Variants in CFAP251 observed in about 807,000 individuals in gnomAD.
CFAP251 encodes the protein cilia and flagella associated protein 251.
Under a neutral mutation model 126.7 loss-of-function variants are expected in CFAP251, and 93 were observed. That is an observed-to-expected ratio of 0.73 (90% CI 0.62 to 0.87). The LOEUF (loss-of-function observed/expected upper bound fraction) is 0.87, where lower values mean the gene tolerates loss of function less well. Among genes scored for constraint, CFAP251 ranks in the 40% least tolerant of loss-of-function variants. CFAP251 has a pLI of 0.00. For missense variants in CFAP251, 1,287 were observed against 1,389.2 expected (o/e 0.93, Z 1.17); for synonymous variants, 503 against 506.9 (o/e 0.99, Z 0.10).
At chr12:121,990,714 T>TA (rs1371358879) in intron 19 of CFAP251, among the ~76,000 whole-genome samples, 2 of 152,110 alleles carry the variant, frequency 1.3e-5, no homozygotes, top group African/African-American at 2.4e-5. Context: ...TGAGGGCACT[T>TA]AAAAAAATAC....
intron 5 of CFAP251, among the ~76,000 whole-genome samples, chr12:121,935,916 G>A (rs6486783): frequency 0.21 from 31,590 of 152,042 alleles, 6,958 homozygotes; most frequent in African/African-American, 0.55. Flanking sequence ...TTGTCATCCG[G>A]TATTGCCTTT....
intron 3 of CFAP251, among the ~76,000 whole-genome samples, chr12:121,928,704 A>ACGTATATATATATTTTT: frequency 1.7e-5 from 1 of 60,350 alleles, no homozygotes; most frequent in East Asian, 2.7e-4. Context: ...ATATATATAT[A>ACGTATATATATATTTTT]TTTTTTTTTT....
At chr12:121,995,361 C>T (rs1053303290) in intron 19 of CFAP251, among the ~76,000 whole-genome samples, 1 of 152,188 alleles carries the variant, frequency 6.6e-6, no homozygotes, top group Admixed American at 6.5e-5. Context: ...CATGATTTAA[C>T]AAGCAATTGT....
Position 121,958,263 on chromosome 12 carries a change from G to A in CFAP251, c.1731-9G>A. The A allele has an allele frequency of 1.9e-6, 3 of 1,613,000 alleles. No individual in the cohort carries two copies. Among genetic ancestry groups the A allele is most frequent in the Non-Finnish European group, 2.5e-6 (3 of 1,179,288 alleles). On this transcript the variant is annotated splice_polypyrimidine_tract_variant and intron_variant, in intron 11 of 21. Transcript: ENST00000288912. ...CACTGATATTGTTTGGTCTCTCCTTGGCAAACAGGAATTTTATCATTGGAA... is the reference window on the plus strand; with the variant it reads ...CACTGATATTGTTTGGTCTCTCCTTAGCAAACAGGAATTTTATCATTGGAA...
intron 16 of CFAP251, 103 bp downstream of exon 16, chr12:121,967,172 C>A: frequency 9.3e-7 from 1 of 1,070,936 alleles, no homozygotes; most frequent in Non-Finnish European, 1.4e-6. Flanking sequence ...GGTTTACAGC[C>A]AAGCCCAACT....
intron 15 of CFAP251, among the ~76,000 whole-genome samples, chr12:121,966,591 T>C (rs186497072): frequency 0.011 from 1,586 of 145,030 alleles, 34 homozygotes; most frequent in African/African-American, 0.038. Context: ...AAGAGTCTTT[T>C]TTTTTTTTTT....
At position 121,958,968 on chromosome 12, in the gene CFAP251, AG is replaced by A; in HGVS notation, c.2008del (p.Glu670ArgfsTer12). 1 of 1,597,762 alleles carries A rather than the reference AG, an allele frequency of 6.3e-7. No individual in the cohort carries two copies. Among genetic ancestry groups the A allele is most frequent in the Non-Finnish European group, 8.5e-7 (1 of 1,175,610 alleles). ...GAGCCCTTCTTGGAGCTGGCTTTAC[AG>A]AGGGGACAGTTTACATTCTTGATGC... ...EGALLGAGFT[E>X]GTVYILDAMS... On this transcript the variant is annotated frameshift_variant, in exon 13 of 22. Coordinates refer to ENST00000288912, the MANE Select transcript of CFAP251 (RefSeq NM_144668.6). LOFTEE classifies it high-confidence loss of function.
At chr12:121,928,859 G>A (rs1880564218) in intron 3 of CFAP251, among the ~76,000 whole-genome samples, 1 of 151,312 alleles carries the variant, frequency 6.6e-6, no homozygotes, top group Admixed American at 6.6e-5. Context: ...ACCATGCCTG[G>A]CTAATTTTTG....
rs1374182133 is a variant in CFAP251, at chr12:122,000,000, G to T, written c.3235+56G>T. The T allele has an allele frequency of 3.3e-6, 5 of 1,507,382 alleles. No individual in the cohort carries two copies. In the African/African-American group the frequency reaches 6.9e-5, roughly 21 times the overall value. The allele number at this position is 1,507,382 out of a possible 1,614,324, so 93.4% of individuals were successfully genotyped here. ...ATCCTGGGGCCATTCCCAGTGTAGA[G>T]AACTGAGTTTGGGGAGCCAGCCCCT... On this transcript the variant is annotated intron_variant, in intron 20 of 21. Transcript: ENST00000288912.
chr12:121,936,200 G>A (rs1231634795), intron 5 of CFAP251, among the ~76,000 whole-genome samples: 1 of 152,182 alleles, frequency 6.6e-6, no homozygotes, highest in Admixed American at 6.5e-5. Flanking sequence ...CATGCACTTT[G>A]GGAGCCTCCC....
intron 15 of CFAP251, among the ~76,000 whole-genome samples, chr12:121,965,073 T>G (rs1030448102): frequency 6.6e-6 from 1 of 152,130 alleles, no homozygotes; most frequent in African/African-American, 2.4e-5. Flanking sequence ...CTCATAACCA[T>G]GGCTTAATTG....
At chr12:121,977,658 C>G (rs1273951510) in intron 19 of CFAP251, among the ~76,000 whole-genome samples, 1 of 140,926 alleles carries the variant, frequency 7.1e-6, no homozygotes, top group Non-Finnish European at 1.5e-5. Flanking sequence ...AAACTCTCCT[C>G]AAAAAATAAA....
chr12:122,001,787 GCT>G (rs1342243891), intron 21 of CFAP251, 189 bp downstream of exon 21: 1 of 609,198 alleles, frequency 1.6e-6, no homozygotes, highest in Non-Finnish European at 3.0e-6. Context: ...TTGTTCCCGC[GCT>G]CTGTCCGTCC....
chr12:121,943,101 T>C, intron 7 of CFAP251, 126 bp downstream of exon 7: 1 of 961,396 alleles, frequency 1.0e-6, no homozygotes, highest in Non-Finnish European at 1.6e-6. Context: ...TCACTTGAGG[T>C]CAGGAGTTCA....
In CFAP251 at chr12:121,999,937, T is replaced by C; in HGVS notation, c.3228T>C (p.Val1076=). The C allele has an allele frequency of 6.2e-7, 1 of 1,611,980 alleles. No homozygotes were observed. Among genetic ancestry groups the C allele is most frequent in the Non-Finnish European group, 8.5e-7 (1 of 1,178,136 alleles). The part of the protein sequence containing the change: ...IRREDFLRLL[V]TKGEHMTEEE... ...GAGAGGACTTCCTGAGACTGCTCGT[T>C]ACTAAAGGTAAGCACATACATCAGG... Residue 1076 remains valine, a synonymous_variant, in exon 20 of 22, where the codon GTT becomes GTC. Transcript: ENST00000288912.
At chr12:121,960,788 C>T (rs776883762) in intron 14 of CFAP251, 30 bp downstream of exon 14, 12 of 1,609,300 alleles carry the variant, frequency 7.5e-6, no homozygotes, top group Admixed American at 5.0e-5. Flanking sequence ...TTGACCTGGT[C>T]GCCAAGACTG....
intron 17 of CFAP251, 131 bp downstream of exon 17, chr12:121,968,300 T>A: frequency 1.2e-6 from 1 of 851,072 alleles, no homozygotes; most frequent in Admixed American, 3.1e-5. Flanking sequence ...TTCAGGTTGC[T>A]CCCCGGTGGC....
chr12:121,967,144 G>A, intron 16 of CFAP251, 75 bp downstream of exon 16: 4 of 1,360,896 alleles, frequency 2.9e-6, no homozygotes, highest in South Asian at 1.2e-5. Flanking sequence ...TGAAGATCAC[G>A]AGACTCAGAG....
Position 121,960,664 on chromosome 12 carries a change from G to A in CFAP251, c.2213G>A (p.Arg738His), listed in dbSNP as rs200928405. ...GTCTGGGAGTACTTAGCAAGACTTC[G>A]CTCTCATCGCAAAAGCATTCGAAGT... ...QRVWEYLARL[R>H]SHRKSIRSLL... Residue 738 changes from arginine (R) to histidine (H), a missense_variant, in exon 14 of 22, where the codon CGC becomes CAC. By Grantham distance (29) the Arg-to-His change is conservative (BLOSUM62 0). Coordinates refer to ENST00000288912, the MANE Select transcript of CFAP251 (RefSeq NM_144668.6). The A allele has an allele frequency of 2.8e-5, 45 of 1,613,964 alleles. No individual in the cohort carries two copies. The highest frequency in any genetic ancestry group is 1.6e-4 in the Middle Eastern group (1 of 6,082).
Sources: allele counts gnomAD v4.1 joint callset (sites outside exome capture counted in the v4.1 genomes callset), GRCh38; gene constraint gnomAD v4.1.1; transcripts MANE v1.5; gene names NCBI Gene and HGNC (gene_info 2026-07-23, HGNC 2026-07-21).